The following LIPT1 variants were observed in gnomAD, a reference collection of about 807,000 sequenced individuals.
LIPT1 encodes the protein lipoyl amidotransferase LIPT1, mitochondrial.
A neutral mutation model predicts 25.1 loss-of-function variants in LIPT1; 22 were observed. The observed-to-expected ratio is 0.88, with a 90% CI of 0.63 to 1.25. The LOEUF is 1.25. Among genes scored for constraint, LIPT1 ranks in the 50% most tolerant of loss-of-function variants. LIPT1 has a pLI of 0.00. For missense variants in LIPT1, 399 were observed against 432.8 expected (o/e 0.92, Z 0.69); for synonymous variants, 131 against 150.8 (o/e 0.87, Z 0.96).
Position 99,162,410 on chromosome 2 carries a change from AT to A in LIPT1, c.456del (p.Phe152LeufsTer42), listed in dbSNP as rs769677246. 6.2e-7 allele frequency: 1 copy of A among 1,614,026 alleles called. No homozygotes were observed. On this transcript the variant is annotated frameshift_variant, in exon 2 of 2. Coordinates refer to ENST00000651691, the MANE Select transcript of LIPT1 (RefSeq NM_145199.3). LOFTEE classifies it high-confidence loss of function. ...AGCTGGATGTGCAGGCTACCAAAAG[AT>A]TTGACCTTTTACTTGATGGACAGTT... ...PQLDVQATKR[F>X]DLLLDGQFKI...
Position 99,162,268 on chromosome 2 carries a change from G to T in LIPT1, c.311G>T (p.Gly104Val). The T allele has an allele frequency of 6.2e-7, 1 of 1,612,890 alleles. No homozygotes were observed. The highest frequency in any genetic ancestry group is 8.5e-7 in the Non-Finnish European group (1 of 1,179,810). ...IKLARRRSGG[G>V]TVYHDMGNIN... ...CTGGCTCGGAGAAGAAGTGGAGGAGGAACAGTCTACCATGATATGGGTAAT... is the reference window on the plus strand; with the variant it reads ...CTGGCTCGGAGAAGAAGTGGAGGAGTAACAGTCTACCATGATATGGGTAAT... The change falls in exon 2 of 2, where the codon GGA becomes GTA. Residue 104 changes from glycine to valine, a missense_variant. By Grantham distance (109) the Gly-to-Val change is moderately radical (BLOSUM62 -3). Transcript: ENST00000651691.
chr2:99,162,102 G>A lies in LIPT1; in HGVS notation c.145G>A (p.Asp49Asn). The A allele has an allele frequency of 6.2e-7, 1 of 1,614,068 alleles. No homozygotes were observed. Among genetic ancestry groups the A allele is most frequent in the Non-Finnish European group, 8.5e-7 (1 of 1,180,000 alleles). ...NDVYQNLAVE[D>N]WIHDHMNLEG... ...TGTCTATCAAAATCTGGCTGTGGAA[G>A]ACTGGATCCATGACCATATGAATCT... The change falls in exon 2 of 2, where the codon GAC (aspartate) becomes AAC (asparagine). Residue 49 changes from aspartate to asparagine, a missense_variant. By Grantham distance (23) the Asp-to-Asn change is conservative. Transcript: ENST00000651691.
intron 1 of LIPT1, chr2:99,156,355 C>T (rs1311485310): frequency 6.6e-6 from 1 of 152,236 alleles, no homozygotes; most frequent in Admixed American, 6.6e-5. Context: ...CCTCCACCTC[C>T]CGGGTTCAAG....
At chr2:99,161,653 C>A in intron 1 of LIPT1, 1 of 203,614 alleles carries the variant, frequency 4.9e-6, no homozygotes, top group Non-Finnish European at 9.8e-6. Flanking sequence ...GCCTGGGCAA[C>A]ATGGTGAAAT....
rs2093795281 is a variant in LIPT1 at position 99,161,843 on chromosome 2, A to G, written c.-1-114A>G. On this transcript the variant is annotated intron_variant, in intron 1 of 1. Coordinates refer to ENST00000651691, the MANE Select transcript of LIPT1 (RefSeq NM_145199.3). Reference sequence around the variant, plus strand: ...ATTGTAAAGCTAAAAGCCAAAAGCAACTGCACTGGATACTTTAAGTTTGGA... The same window carrying G: ...ATTGTAAAGCTAAAAGCCAAAAGCAGCTGCACTGGATACTTTAAGTTTGGA... 2.8e-5 allele frequency: 25 copies of G among 877,616 alleles called. 1 individual carries two copies. The South Asian group carries it at 4.7e-4, about 16-fold the overall frequency. 54.4% of individuals were successfully genotyped at this position (877,616 alleles called of 1,614,324 possible).
chr2:99,156,250 C>G (rs1194210925), intron 1 of LIPT1: 1 of 152,166 alleles, frequency 6.6e-6, no homozygotes, highest in Non-Finnish European at 1.5e-5. Context: ...AGTTTTCTCA[C>G]ATACACAGTT....
chr2:99,161,828 TA>T, intron 1 of LIPT1, 128 bp from the exon 2 acceptor site: 1 of 734,968 alleles, frequency 1.4e-6, no homozygotes, highest in Non-Finnish European at 2.2e-6. Flanking sequence ...ATTGTAAAGC[TA>T]AAAGCCAAAA....
In LIPT1 at chr2:99,162,106, G is replaced by A. The variant is rs2105199053; in HGVS notation, c.149G>A (p.Trp50Ter). Residue 50 changes from tryptophan (W) to a stop codon, truncating the protein, a stop_gained, in exon 2 of 2, where the codon TGG (tryptophan) becomes TAG (stop). Transcript: ENST00000651691. LOFTEE classifies it high-confidence loss of function. ...TATCAAAATCTGGCTGTGGAAGACTGGATCCATGACCATATGAATCTAGAA... is the reference window on the plus strand; with the variant it reads ...TATCAAAATCTGGCTGTGGAAGACTAGATCCATGACCATATGAATCTAGAA... Reference protein sequence around the residue: ...DVYQNLAVEDWIHDHMNLEGK... With the variant: ...DVYQNLAVED The A allele has an allele frequency of 1.2e-6, 2 of 1,614,076 alleles. No homozygotes were observed. The highest frequency in any genetic ancestry group is 1.7e-6 in the Non-Finnish European group (2 of 1,179,996).
chr2:99,161,607 G>A (rs954504640), intron 1 of LIPT1: 1 of 171,652 alleles, frequency 5.8e-6, no homozygotes, highest in South Asian at 1.5e-4. Context: ...GGAGGCCAAG[G>A]TGGGAGGACT....
intron 1 of LIPT1, chr2:99,155,683 T>C (rs1317088224): frequency 2.6e-6 from 1 of 384,608 alleles, no homozygotes; most frequent in Non-Finnish European, 5.1e-6. Flanking sequence ...CTGTGAAATA[T>C]CCTGAAATAC....
At chr2:99,159,858 A>G (rs1174970237) in intron 1 of LIPT1, among the ~76,000 whole-genome samples, 3 of 152,170 alleles carry the variant, frequency 2.0e-5, no homozygotes, top group Admixed American at 1.3e-4. Context: ...TTAGGAGGGA[A>G]TCCCCAAACA....
rs753259893 is a variant in LIPT1, at chr2:99,158,429, CAAAAAAAAA to C, written c.-2+3392_-2+3400del. 1.4e-4 allele frequency among the ~76,000 whole-genome samples: 14 copies of C among 96,560 alleles called. 1 individual carries two copies. Among genetic ancestry groups the C allele is most frequent in the Non-Finnish European group, 2.5e-4 (13 of 52,146 alleles). The allele number at this position is 96,560 out of a possible 152,430, so 63.3% of individuals were successfully genotyped here. ...GACAACAAAGTGAGATTCATCTCTACAAAAAAAAAAAAAAAAAAAAAATAGCCAGGCGTG... is the reference window on the plus strand; with the variant it reads ...GACAACAAAGTGAGATTCATCTCTACAAAAAAAAAAAAATAGCCAGGCGTG... On this transcript the variant is annotated intron_variant, in intron 1 of 1. Transcript: ENST00000651691.
chr2:99,162,053 C>G lies in LIPT1; in HGVS notation c.96C>G (p.Leu32=), dbSNP rs2093797613. The change falls in exon 2 of 2, where the codon CTC becomes CTG. Residue 32 remains leucine, a synonymous_variant. Coordinates refer to ENST00000651691, the MANE Select transcript of LIPT1 (RefSeq NM_145199.3). ...TTAAAAAAACAGTAAAAAATGGGCT[C>G]ATTTTACAGTCAATTTCCAATGATG... ...AGFKKTVKNG[L]ILQSISNDVY... 3 of 1,613,920 alleles carry G rather than the reference C, an allele frequency of 1.9e-6. No individual in the cohort carries two copies. Among genetic ancestry groups the G allele is most frequent in the South Asian group, 2.2e-5 (2 of 91,084 alleles).
rs137973334 is a variant in LIPT1 at position 99,162,249 on chromosome 2, C to G, written c.292C>G (p.Arg98Gly). The part of the protein sequence containing the change: ...LMREEGIKLA[R>G]RRSGGGTVYH... ...GAGAGAAGAAGGTATAAAACTGGCT[C>G]GGAGAAGAAGTGGAGGAGGAACAGT... Residue 98 changes from arginine to glycine, a missense_variant, in exon 2 of 2, where the codon CGG becomes GGG. By Grantham distance (125) the Arg-to-Gly change is moderately radical. Transcript: ENST00000651691. The G allele has an allele frequency of 1.8e-4, 285 of 1,613,220 alleles. No homozygotes were observed. The highest frequency in any genetic ancestry group is 2.3e-4 in the Non-Finnish European group (270 of 1,179,940).
intron 1 of LIPT1, among the ~76,000 whole-genome samples, chr2:99,159,012 T>C (rs1335712991): frequency 1.3e-5 from 2 of 152,138 alleles, no homozygotes; most frequent in African/African-American, 2.4e-5. Flanking sequence ...CACTGCAAGC[T>C]CCGCCTCCCG....
At chr2:99,159,939 C>T (rs1337009911) in intron 1 of LIPT1, among the ~76,000 whole-genome samples, 1 of 152,204 alleles carries the variant, frequency 6.6e-6, no homozygotes, top group Non-Finnish European at 1.5e-5. Context: ...GCAAACTTAT[C>T]AGATTTGGTG....
At chr2:99,157,592 AC>A (rs2093763769) in intron 1 of LIPT1, among the ~76,000 whole-genome samples, 1 of 151,980 alleles carries the variant, frequency 6.6e-6, no homozygotes, top group Admixed American at 6.6e-5. Flanking sequence ...ATCCTTTTCA[AC>A]CCTCATCTTA....
rs527578687 is a variant in LIPT1, at chr2:99,155,174, G to T, written c.-2+123G>T. On this transcript the variant is annotated intron_variant, in intron 1 of 1. Transcript: ENST00000651691. ...TCAGGACTTGCGGGTCGCCTCCGCC[G>T]GTGTTGAAGCCTCTTGTGTGCACAC... 130 of 416,424 alleles carry T rather than the reference G, an allele frequency of 3.1e-4. 2 individuals are homozygous for T. Among genetic ancestry groups the T allele is most frequent in the South Asian group, 2.2e-3 (126 of 58,290 alleles). 25.8% of individuals were successfully genotyped at this position (416,424 alleles called of 1,614,324 possible). A position where few individuals can be genotyped will look rare whatever the true frequency, so the allele number is the denominator to read the frequency against.
chr2:99,161,922 G>A (rs2093796169), intron 1 of LIPT1, 35 bp from the exon 2 acceptor site: 2 of 1,497,630 alleles, frequency 1.3e-6, no homozygotes, highest in South Asian at 2.6e-5. Flanking sequence ...TCCTTTTCTC[G>A]ATGAATTAAT....
Sources: gnomAD v4.1 joint callset for allele counts (sites outside exome capture counted in the v4.1 genomes callset) on GRCh38, gnomAD v4.1.1 for gene constraint, MANE v1.5 for transcripts, NCBI Gene and HGNC (gene_info 2026-07-23, HGNC 2026-07-21) for gene names.